The following CCDC40 variants were observed in gnomAD, a reference collection of about 807,000 sequenced individuals.
CCDC40 encodes coiled-coil domain 40 molecular ruler complex subunit, also known as coiled-coil domain-containing protein 40.
A neutral mutation model predicts 124.5 loss-of-function variants in CCDC40; 104 were observed. The observed-to-expected ratio is 0.84, with a 90% confidence interval of 0.71 to 0.98. The LOEUF (loss-of-function observed/expected upper bound fraction) is 0.98. Among genes scored for constraint, CCDC40 ranks in the 50% least tolerant of loss-of-function variants. CCDC40 has a pLI of 0.00. For synonymous variants in CCDC40, 580 were observed against 602.9 expected (o/e 0.96, Z 0.56); for missense variants, 1,463 against 1,503.9 (o/e 0.97, Z 0.45).
At chr17:80,060,114 G>A (rs1387021631) in intron 9 of CCDC40, among the ~76,000 whole-genome samples, 8 of 152,284 alleles carry the variant, frequency 5.3e-5, no homozygotes, top group Middle Eastern at 6.8e-3. Context: ...TTCAAACGGG[G>A]CAAGCAGCCA....
At chr17:80,090,847 T>G in intron 17 of CCDC40, 1 of 1,148,842 alleles carries the variant, frequency 8.7e-7, no homozygotes, top group South Asian at 2.3e-5. Flanking sequence ...CTGAGTTATT[T>G]TTCAGATCAA....
intron 10 of CCDC40, among the ~76,000 whole-genome samples, chr17:80,077,548 G>A (rs2038339331): frequency 6.6e-6 from 1 of 152,214 alleles, no homozygotes; most frequent in South Asian, 2.1e-4. Context: ...AACAGCTGCT[G>A]CGGTGTTTTC....
chr17:80,063,727 T>C (rs976361131), intron 9 of CCDC40, among the ~76,000 whole-genome samples: 2 of 152,212 alleles, frequency 1.3e-5, no homozygotes, highest in Non-Finnish European at 2.9e-5. Context: ...CTCGGACCCC[T>C]GACCTCAGGT....
In CCDC40 at chr17:80,099,544, G is replaced by A. The variant is rs1474065129; in HGVS notation, c.3198G>A (p.Val1066=). 1.2e-6 allele frequency: 2 copies of A among 1,610,734 alleles called. No homozygotes were observed. Residue 1066 remains valine, a synonymous_variant, in exon 20 of 20, where the codon GTG becomes GTA. Transcript: ENST00000397545. The stretch of plus-strand genomic sequence containing the variant: ...CTACCCAGAACCTTTCAGAGATCGT[G>A]GCCCTGCAGACACGCCTTAAGCACC... ...ALKRQNLSEI[V]ALQTRLKHLQ...
chr17:80,038,334 A>G, intron 2 of CCDC40, 148 bp downstream of exon 2: 1 of 628,308 alleles, frequency 1.6e-6, no homozygotes, highest in Non-Finnish European at 3.0e-6. Context: ...AGTTTGAGAC[A>G]AGCCTGGCCA....
chr17:80,097,305 A>G lies in CCDC40; in HGVS notation c.3082A>G (p.Ser1028Gly). Reference sequence around the variant, plus strand: ...GGAAGAAACACAAAGAAATGTGAGCAGCTCCCTCCTAGAGAAGCAGGAAAA... The same window carrying G: ...GGAAGAAACACAAAGAAATGTGAGCGGCTCCCTCCTAGAGAAGCAGGAAAA... ...ELEETQRNVS[S>G]SLLEKQEKLS... is the part of the protein sequence containing the mutation. The change falls in exon 19 of 20, where the codon AGC (serine) becomes GGC (glycine). Residue 1028 changes from serine (S) to glycine (G), a missense_variant. Ser to Gly is a moderately conservative substitution (Grantham distance 56). Transcript: ENST00000397545. 1.2e-6 allele frequency: 2 copies of G among 1,613,970 alleles called. No homozygotes were observed. The highest frequency in any genetic ancestry group is 1.7e-6 in the Non-Finnish European group (2 of 1,180,016).
intron 3 of CCDC40, among the ~76,000 whole-genome samples, chr17:80,045,636 G>A (rs780353741): frequency 2.0e-5 from 3 of 152,060 alleles, no homozygotes; most frequent in Admixed American, 6.6e-5. Flanking sequence ...CCCAGGAGGC[G>A]GAGTTTGCAG....
intron 17 of CCDC40, among the ~76,000 whole-genome samples, chr17:80,094,182 C>A (rs546679488): frequency 6.8e-6 from 1 of 146,454 alleles, no homozygotes; most frequent in Non-Finnish European, 1.5e-5. Context: ...GAGGCCGAGG[C>A]GGGTGGATCA....
At chr17:80,074,558 T>C (rs1020163828) in intron 10 of CCDC40, among the ~76,000 whole-genome samples, 1 of 152,058 alleles carries the variant, frequency 6.6e-6, no homozygotes, top group Non-Finnish European at 1.5e-5. Flanking sequence ...GGTGAGAGAA[T>C]TGCTTGAGGC....
chr17:80,080,938 G>A (rs2038432318), intron 10 of CCDC40, among the ~76,000 whole-genome samples: 1 of 152,162 alleles, frequency 6.6e-6, no homozygotes, highest in African/African-American at 2.4e-5. Context: ...TTCTCAACAC[G>A]AAGGAAGGAT....
At chr17:80,059,564 CTT>C (rs11429330) in intron 9 of CCDC40, among the ~76,000 whole-genome samples, 2 of 142,502 alleles carry the variant, frequency 1.4e-5, no homozygotes, top group African/African-American at 5.2e-5. Context: ...AAACAATTAA[CTT>C]TTTTTTTTTT....
chr17:80,088,938 G>A (rs974641005), intron 16 of CCDC40, among the ~76,000 whole-genome samples: 1 of 152,092 alleles, frequency 6.6e-6, no homozygotes, highest in African/African-American at 2.4e-5. Flanking sequence ...GAAATTGAAG[G>A]GTTTCCTTTG....
intron 2 of CCDC40, among the ~76,000 whole-genome samples, chr17:80,039,071 T>C (rs1391030460): frequency 6.6e-6 from 1 of 150,702 alleles, no homozygotes; most frequent in African/African-American, 2.4e-5. Context: ...AAAATGATTA[T>C]GAAAAGCAGA....
chr17:80,087,644 C>T lies in CCDC40; in HGVS notation c.2487C>T (p.Ile829=), dbSNP rs372937081. The change falls in exon 15 of 20, where the codon ATC becomes ATT. Residue 829 remains isoleucine (I), a synonymous_variant. Coordinates refer to ENST00000397545, the MANE Select transcript of CCDC40 (RefSeq NM_017950.4). This position sits in a 1 kb window ranked among gnomAD's most constrained non-coding sequence, Gnocchi z 4.5. ...AGGAGAAGAAGGAGCAGAAGGAGAT[C>T]GAGCACCACATGAAGGACCTGGACA... The part of the protein sequence containing the change: ...IEQEKKEQKE[I]EHHMKDLDND... 34 of 1,614,064 alleles carry T rather than the reference C, an allele frequency of 2.1e-5. No homozygotes were observed. Among genetic ancestry groups the T allele is most frequent in the Non-Finnish European group, 2.5e-5 (29 of 1,179,934 alleles).
At chr17:80,036,862 G>A (rs1483898814) in intron 1 of CCDC40, 171 bp downstream of exon 1, 7 of 551,932 alleles carry the variant, frequency 1.3e-5, no homozygotes, top group Admixed American at 3.9e-5. Context: ...CGTCCACTGC[G>A]TTCAGCCCCT....
rs1197603099 is a variant in CCDC40 at position 80,088,028 on chromosome 17, C to A, written c.2637C>A (p.Thr879=). ...CCATGCAGGCCTCTGAGAGGGAGAC[C>A]ATCAAGATGCAGGACAAGCTGAACC... ...VRSLKASERE[T]IKMQDKLNQL... The change falls in exon 16 of 20, where the codon ACC becomes ACA. Residue 879 remains threonine, a synonymous_variant. Transcript: ENST00000397545. 6.2e-7 allele frequency: 1 copy of A among 1,613,676 alleles called. No homozygotes were observed. The highest frequency in any genetic ancestry group is 1.7e-5 in the Admixed American group (1 of 60,014).
intron 17 of CCDC40, 93 bp from the exon 18 acceptor site, chr17:80,095,170 C>T (rs1430543076): frequency 1.7e-6 from 2 of 1,191,614 alleles, no homozygotes; most frequent in East Asian, 4.7e-5. Context: ...ATGCGTGTCA[C>T]CGGAGGATGA....
chr17:80,051,583 C>T (rs1236406698), intron 7 of CCDC40, among the ~76,000 whole-genome samples: 2 of 130,086 alleles, frequency 1.5e-5, no homozygotes, highest in Admixed American at 1.8e-4. Context: ...GAGCCGAGAT[C>T]CCGCCACTGC....
chr17:80,065,757 C>T (rs1406853062), intron 10 of CCDC40, 151 bp downstream of exon 10: 4 of 1,070,678 alleles, frequency 3.7e-6, no homozygotes, highest in Admixed American at 4.0e-5. Context: ...CGGAAAGCTC[C>T]CTCATTGTTT....
Sources: gnomAD v4.1 joint callset for allele counts (sites outside exome capture counted in the v4.1 genomes callset) on GRCh38, gnomAD v4.1.1 for gene constraint, Gnocchi (gnomAD v3.1) non-coding constraint, MANE v1.5 for transcripts, NCBI Gene and HGNC (gene_info 2026-07-23, HGNC 2026-07-21) for gene names.